The following DMD variants were observed in gnomAD, a reference collection of about 807,000 sequenced individuals.
DMD encodes dystrophin.
A neutral mutation model predicts 330.1 loss-of-function variants in DMD; 63 were observed. The observed-to-expected ratio is 0.19, with a 90% CI of 0.16 to 0.24. The LOEUF (loss-of-function observed/expected upper bound fraction) is 0.24. Among genes scored for constraint, DMD ranks in the 10% least tolerant of loss-of-function variants. DMD has a pLI of 1.00. For missense variants in DMD, 3,344 were observed against 2,684.1 expected (o/e 1.25, Z -5.43); for synonymous variants, 1,223 against 959.8 (o/e 1.27, Z -5.07).
chrX:31,573,007 A>G, intron 55 of DMD, among the ~76,000 whole-genome samples: 1 of 111,515 alleles, frequency 9.0e-6, no homozygotes, highest in Non-Finnish European at 1.9e-5. Flanking sequence ...ATCATTTTTA[A>G]CCAGAACTCC....
chrX:32,736,857 G>A, intron 7 of DMD, among the ~76,000 whole-genome samples: 1 of 109,785 alleles, frequency 9.1e-6, no homozygotes, highest in Middle Eastern at 4.7e-3. Context: ...CATGGCACAT[G>A]TATACGTATG....
chrX:31,932,699 T>A (rs1241152334), intron 45 of DMD, among the ~76,000 whole-genome samples: 2 of 112,030 alleles, frequency 1.8e-5, no homozygotes, highest in Admixed American at 9.4e-5. Flanking sequence ...TAAGCCGAGA[T>A]CGTGCCACTG....
rs183843181 is a variant in DMD at position 32,675,985 on chromosome X, T to G, written c.960+21885A>C. ...GAAGGAGCTTAGGCTAATAAAATGA[T>G]TCAGAGCCCAGAAATTGGAAAACTT... On this transcript the variant is annotated intron_variant, in intron 9 of 78. Transcript: ENST00000357033. 9.9e-5 allele frequency among the ~76,000 whole-genome samples: 11 copies of G among 111,428 alleles called. No homozygotes were observed. In the East Asian group the frequency reaches 2.8e-3, roughly 29 times the overall value.
rs144979639 is a variant in DMD, at chrX:31,626,141, T to C, written c.8217+1532A>G. On this transcript the variant is annotated intron_variant, in intron 55 of 78. Coordinates refer to ENST00000357033, the MANE Select transcript of DMD (RefSeq NM_004006.3). ...CTAGGATTACAGGCGCAGGTCACCA[T>C]ACCCAGCTAATTTTTGTATTTTTAG... Among the ~76,000 whole-genome samples the C allele has an allele frequency of 2.4e-3, 265 of 109,610 alleles. 2 individuals are homozygous for C. Among genetic ancestry groups the C allele is most frequent in the Non-Finnish European group, 3.8e-3 (202 of 52,569 alleles).
Position 33,238,907 on chromosome X carries a change from C to T in DMD, c.7+100352G>A, listed in dbSNP as rs775167434. 2.2e-4 allele frequency among the ~76,000 whole-genome samples: 24 copies of T among 110,800 alleles called. 1 individual carries two copies. The South Asian group carries it at 5.8e-3, about 27-fold the overall frequency. ...ACTGAGAAAACTTTGCCTGCATGCA[C>T]CCTTGCTACTTACCAATTAACAGCA... is the stretch of plus-strand genomic sequence containing the variant. On this transcript the variant is annotated intron_variant, in intron 1 of 17. Transcript: ENST00000288447.
intron 1 of DMD, among the ~76,000 whole-genome samples, chrX:33,261,977 G>A (rs2052964601): frequency 9.2e-6 from 1 of 108,918 alleles, no homozygotes; most frequent in African/African-American, 3.3e-5. Context: ...ATTCAACCAT[G>A]AGTTCAGTCT....
At chrX:32,602,592 T>G (rs927998231) in intron 12 of DMD, among the ~76,000 whole-genome samples, 2 of 111,266 alleles carry the variant, frequency 1.8e-5, no homozygotes, top group African/African-American at 6.5e-5. Context: ...TATTCCTGTT[T>G]CCCTTATAGT....
At chrX:32,520,769 T>G (rs2046340733) in intron 17 of DMD, among the ~76,000 whole-genome samples, 1 of 111,095 alleles carries the variant, frequency 9.0e-6, no homozygotes, top group Non-Finnish European at 1.9e-5. Context: ...AATCCTTCTC[T>G]TCAGATCTAC....
At chrX:32,873,210 A>G (rs1488218883) in intron 2 of DMD, among the ~76,000 whole-genome samples, 1 of 110,773 alleles carries the variant, frequency 9.0e-6, no homozygotes, top group East Asian at 2.8e-4. Context: ...CAGGGGAATA[A>G]GCCCCCCTCC....
intron 13 of DMD, among the ~76,000 whole-genome samples, chrX:32,595,003 T>C (rs1455940287): frequency 9.0e-6 from 1 of 111,705 alleles, no homozygotes; most frequent in Non-Finnish European, 1.9e-5. Context: ...CTAGTCTAGA[T>C]TATCTTAAAG....
intron 17 of DMD, among the ~76,000 whole-genome samples, chrX:32,537,182 A>G (rs2048069913): frequency 9.0e-6 from 1 of 111,437 alleles, no homozygotes; most frequent in Non-Finnish European, 1.9e-5. Flanking sequence ...CTAGAGTTAT[A>G]CGATCTAAAC....
intron 62 of DMD, chrX:31,266,692 G>A: frequency 2.6e-6 from 2 of 767,005 alleles, no homozygotes; most frequent in Non-Finnish European, 2.0e-6. Context: ...GCCGCCCGGC[G>A]CCCCGGGTCC....
chrX:32,961,955 G>A (rs993547473), intron 2 of DMD, among the ~76,000 whole-genome samples: 16 of 111,717 alleles, frequency 1.4e-4, no homozygotes, highest in Non-Finnish European at 2.4e-4. Context: ...ATTTTAGACC[G>A]AAACTTCAGT....
intron 60 of DMD, among the ~76,000 whole-genome samples, chrX:31,368,947 G>C (rs1439747223): frequency 9.0e-6 from 1 of 111,333 alleles, no homozygotes; most frequent in African/African-American, 3.3e-5. Context: ...TGCCCGGCCC[G>C]AGGTCCCTTC....
At chrX:32,528,170 G>T (rs758609344) in intron 17 of DMD, among the ~76,000 whole-genome samples, 1 of 110,976 alleles carries the variant, frequency 9.0e-6, no homozygotes, top group South Asian at 3.9e-4. Flanking sequence ...TTAGCCAGCT[G>T]TGGTGGTGGG....
chrX:33,032,158 T>C lies in DMD; in HGVS notation c.32-11958A>G, dbSNP rs1001111224. On this transcript the variant is annotated intron_variant, in intron 1 of 78. Transcript: ENST00000357033. ...ACTTGCCTTGACCAGTGGAACACAG[T>C]CAGATATGAGAGTGTGTCAATTCTG... is the stretch of plus-strand genomic sequence containing the variant. Among the ~76,000 whole-genome samples the C allele has an allele frequency of 6.3e-5, 7 of 111,724 alleles. No individual in the cohort carries two copies. In the Admixed American group the frequency reaches 6.7e-4, roughly 11 times the overall value.
At chrX:32,432,846 A>C (rs2098243951) in intron 29 of DMD, among the ~76,000 whole-genome samples, 1 of 112,380 alleles carries the variant, frequency 8.9e-6, no homozygotes, top group Non-Finnish European at 1.9e-5. Context: ...ACTGAGGGAA[A>C]AATTCAAAGT....
At position 32,888,062 on chromosome X, in the gene DMD, C is replaced by CT. The variant is rs201921682; in HGVS notation, c.94-38243dup. Among the ~76,000 whole-genome samples, 103 of 109,605 alleles carry CT rather than the reference C, an allele frequency of 9.4e-4. 1 individual carries two copies. The highest frequency in any genetic ancestry group is 1.2e-3 in the Admixed American group (12 of 10,194). ...AATATGGGCAAAGGACCTCAACAGA[C>CT]TTTTTTTTTGAAATAAAAAAGCTTT... On this transcript the variant is annotated intron_variant, in intron 2 of 78. Coordinates refer to ENST00000357033, the MANE Select transcript of DMD (RefSeq NM_004006.3).
intron 9 of DMD, among the ~76,000 whole-genome samples, chrX:32,657,979 A>T (rs1244407963): frequency 9.0e-6 from 1 of 111,654 alleles, no homozygotes; most frequent in East Asian, 2.8e-4. Flanking sequence ...TACCAAAAAA[A>T]TCAAAACAAA....
Sources: allele counts gnomAD v4.1 joint callset (sites outside exome capture counted in the v4.1 genomes callset), GRCh38; gene constraint gnomAD v4.1.1; transcripts MANE v1.5; gene names NCBI Gene and HGNC (gene_info 2026-07-23, HGNC 2026-07-21).